PUS3: variants seen among roughly 807,000 people sequenced by gnomAD.
The protein encoded by PUS3 is pseudouridine synthase 3.
In PUS3, 36 loss-of-function variants were observed where a neutral mutation model predicts 43.3. That is an observed-to-expected ratio of 0.83 (90% CI 0.64 to 1.10). The LOEUF (loss-of-function observed/expected upper bound fraction) is 1.10. Ranked by LOEUF, PUS3 falls within the 50% of genes least tolerant of loss-of-function variation. The pLI, the probability that PUS3 is intolerant of heterozygous loss-of-function variation, is 0.00. For missense variants in PUS3, 544 were observed against 589.9 expected, an observed-to-expected ratio of 0.92 and a Z score of 0.81; for synonymous variants, 183 against 199.2, an observed-to-expected ratio of 0.92 and a Z score of 0.69.
Position 125,899,391 on chromosome 11 carries a change from GAC to G in PUS3, c.-46-3063_-46-3062del. On this transcript the variant is annotated intron_variant, in intron 1 of 3. Coordinates refer to ENST00000227474, the MANE Select transcript of PUS3 (RefSeq NM_031307.4). ...GCAATGGAAGAACTTCTACCTGATG[GAC>G]AAATATGGGCTAATATGGATCCAGA... The G allele has an allele frequency of 6.2e-7, 1 of 1,614,176 alleles. No individual in the cohort carries two copies. The highest frequency in any genetic ancestry group is 8.5e-7 in the Non-Finnish European group (1 of 1,180,024).
chr11:125,893,781 A>C lies in PUS3; in HGVS notation c.*4T>G. The C allele has an allele frequency of 6.3e-7, 1 of 1,594,816 alleles. No homozygotes were observed. The highest frequency in any genetic ancestry group is 8.5e-7 in the Non-Finnish European group (1 of 1,171,372). Reference sequence around the variant, plus strand: ...GTTCCTAGATCCTGGCAAATTGTCTATGGTTAAATGATGCTTTTAATTTCT... The same window carrying C: ...GTTCCTAGATCCTGGCAAATTGTCTCTGGTTAAATGATGCTTTTAATTTCT... On this transcript the variant is annotated 3_prime_UTR_variant, in exon 4 of 4. Transcript: ENST00000227474.
chr11:125,900,953 G>A (rs1944754364), intron 1 of PUS3: 1 of 150,002 alleles, frequency 6.7e-6, no homozygotes, highest in Admixed American at 6.6e-5. Context: ...GGGGCCTGCA[G>A]TGAGCCGAGA....
chr11:125,893,836 C>T lies in PUS3; in HGVS notation c.1395G>A (p.Glu465=). The T allele has an allele frequency of 1.2e-6, 2 of 1,613,914 alleles. No homozygotes were observed. Among genetic ancestry groups the T allele is most frequent in the Non-Finnish European group, 1.7e-6 (2 of 1,179,964 alleles). The part of the protein sequence containing the change: ...DTLEEENTNL[E]TPTKRVCVDT... ...CAACACAGACCCTCTTCGTTGGTGT[C>T]TCCAAATTAGTATTCTCTTCCTCTA... Residue 465 remains glutamate (E), a synonymous_variant, in exon 4 of 4, where the codon GAG becomes GAA. Coordinates refer to ENST00000227474, the MANE Select transcript of PUS3 (RefSeq NM_031307.4).
chr11:125,901,993 TC>T (rs1302167906), intron 1 of PUS3, among the ~76,000 whole-genome samples: 1 of 152,118 alleles, frequency 6.6e-6, no homozygotes, highest in African/African-American at 2.4e-5. Context: ...TGCAAAACAC[TC>T]CAGTGATTAT....
intron 1 of PUS3, chr11:125,900,180 A>C: frequency 6.2e-7 from 1 of 1,614,226 alleles, no homozygotes; most frequent in Non-Finnish European, 8.5e-7. Flanking sequence ...ACAGAGAAGA[A>C]AAGGTCTGCA....
Position 125,895,487 on chromosome 11 carries a change from T to TA in PUS3, c.680_681insT (p.Lys227AsnfsTer10), listed in dbSNP as rs1328387021. The TA allele has an allele frequency of 1.2e-6, 2 of 1,614,046 alleles. No individual in the cohort carries two copies. The highest frequency in any genetic ancestry group is 1.7e-6 in the Non-Finnish European group (2 of 1,180,050). On this transcript the variant is annotated frameshift_variant, in exon 3 of 4. Coordinates refer to ENST00000227474, the MANE Select transcript of PUS3 (RefSeq NM_031307.4). LOFTEE classifies it high-confidence loss of function. ...TAATCACACCGTTGGCTACATCCAT[T>TA]TTACACAAGTTCCTGAAATCATGGG... is the stretch of plus-strand genomic sequence containing the variant.
intron 1 of PUS3, among the ~76,000 whole-genome samples, chr11:125,898,318 C>T (rs1042836867): frequency 6.6e-6 from 1 of 152,146 alleles, no homozygotes. Flanking sequence ...GGGTATGTGG[C>T]TGATTGATGT....
At position 125,895,492 on chromosome 11, in the gene PUS3, A is replaced by G; in HGVS notation, c.676T>C (p.Cys226Arg). 1 of 1,614,174 alleles carries G rather than the reference A, an allele frequency of 6.2e-7. No individual in the cohort carries two copies. Among genetic ancestry groups the G allele is most frequent in the Non-Finnish European group, 8.5e-7 (1 of 1,180,038 alleles). The change falls in exon 3 of 4, where the codon TGT (cysteine) becomes CGT (arginine). Residue 226 changes from cysteine to arginine, a missense_variant. Physicochemically the swap from Cys to Arg is radical, Grantham distance 180 (BLOSUM62 -3). Coordinates refer to ENST00000227474, the MANE Select transcript of PUS3 (RefSeq NM_031307.4). ...ACACCGTTGGCTACATCCATTTTAC[A>G]CAAGTTCCTGAAATCATGGGTGCCA... The part of the protein sequence containing the change: ...YVGTHDFRNL[C>R]KMDVANGVIN...
chr11:125,899,354 A>G, intron 1 of PUS3: 2 of 1,613,108 alleles, frequency 1.2e-6, no homozygotes, highest in South Asian at 1.1e-5. Flanking sequence ...AAGGTCCTAC[A>G]GTGTAGGGGA....
At position 125,902,954 on chromosome 11, in the gene PUS3, G is replaced by C. The variant is rs148536899; in HGVS notation, c.-47+216C>G. ...ATTAAAGACGACCCTACTGCGGCGA[G>C]TTTCCACCGAGAGCTCCAGAAAGTA... On this transcript the variant is annotated intron_variant, in intron 1 of 3. Coordinates refer to ENST00000227474, the MANE Select transcript of PUS3 (RefSeq NM_031307.4). Among the ~76,000 whole-genome samples, 14 of 141,436 alleles carry C rather than the reference G, an allele frequency of 9.9e-5. No homozygotes were observed. In the East Asian group the frequency reaches 2.1e-3, roughly 22 times the overall value. The allele number at this position is 141,436 out of a possible 152,430, so 92.8% of individuals were successfully genotyped here. A position where few individuals can be genotyped will look rare whatever the true frequency, so the allele number is the denominator to read the frequency against.
rs902111087 is a variant in PUS3, at chr11:125,893,875, G to T, written c.1356C>A (p.Asp452Glu). 1 of 1,614,074 alleles carries T rather than the reference G, an allele frequency of 6.2e-7. No individual in the cohort carries two copies. Among genetic ancestry groups the T allele is most frequent in the Non-Finnish European group, 8.5e-7 (1 of 1,179,996 alleles). The part of the protein sequence containing the change: ...FHEEETKAKR[D>E]CNDTLEEENT... Reference sequence around the variant, plus strand: ...TCTCTTCCTCTAGTGTGTCATTACAGTCCCTTTTGGCTTTTGTTTCTTCCT... The same window carrying T: ...TCTCTTCCTCTAGTGTGTCATTACATTCCCTTTTGGCTTTTGTTTCTTCCT... Residue 452 changes from aspartate (D) to glutamate (E), a missense_variant, in exon 4 of 4, where the codon GAC becomes GAA. By Grantham distance (45) the Asp-to-Glu change is conservative (BLOSUM62 2). Coordinates refer to ENST00000227474, the MANE Select transcript of PUS3 (RefSeq NM_031307.4).
rs779347680 is a variant in PUS3 at position 125,899,689 on chromosome 11, A to G, written c.-46-3359T>C. 18 of 1,614,102 alleles carry G rather than the reference A, an allele frequency of 1.1e-5. No homozygotes were observed. The highest frequency in any genetic ancestry group is 1.7e-5 in the Admixed American group (1 of 60,006). On this transcript the variant is annotated intron_variant, in intron 1 of 3. Coordinates refer to ENST00000227474, the MANE Select transcript of PUS3 (RefSeq NM_031307.4). Reference sequence around the variant, plus strand: ...TGCGCAGAAAGCCAGATGGGGAAGTATTAGTAACAGATGAGTCGATTATCA... The same window carrying G: ...TGCGCAGAAAGCCAGATGGGGAAGTGTTAGTAACAGATGAGTCGATTATCA...
At chr11:125,896,727 G>C (rs1303678775) in intron 1 of PUS3, among the ~76,000 whole-genome samples, 1 of 151,936 alleles carries the variant, frequency 6.6e-6, no homozygotes, top group Non-Finnish European at 1.5e-5. Context: ...TCTTTATATG[G>C]GCTACTTTTA....
chr11:125,896,353 C>T (rs1944591621), intron 1 of PUS3, 23 bp from the exon 2 acceptor site: 2 of 1,401,520 alleles, frequency 1.4e-6, no homozygotes, highest in Non-Finnish European at 2.0e-6. Flanking sequence ...CAAAGGGATA[C>T]AACAGTTTCA....
intron 1 of PUS3, among the ~76,000 whole-genome samples, chr11:125,898,269 G>A (rs1944650102): frequency 6.6e-6 from 1 of 152,230 alleles, no homozygotes; most frequent in South Asian, 2.1e-4. Context: ...ATAGTGGACA[G>A]TAGATACCTA....
chr11:125,898,204 C>T (rs975133355), intron 1 of PUS3, among the ~76,000 whole-genome samples: 22 of 152,086 alleles, frequency 1.4e-4, no homozygotes, highest in African/African-American at 5.1e-4. Flanking sequence ...TTAAAATTAT[C>T]ATGTGCATGT....
At chr11:125,896,415 C>G (rs951646802) in intron 1 of PUS3, 85 bp from the exon 2 acceptor site, 1 of 928,258 alleles carries the variant, frequency 1.1e-6, no homozygotes. Flanking sequence ...TAATTTAATG[C>G]CCAAAGAATA....
chr11:125,899,521 C>T (rs1179151564), intron 1 of PUS3: 7 of 1,614,186 alleles, frequency 4.3e-6, no homozygotes, highest in South Asian at 3.3e-5. Context: ...ATGATCCCTA[C>T]AGTAAAGCTT....
At chr11:125,894,854 A>G (rs1432638589) in intron 3 of PUS3, among the ~76,000 whole-genome samples, 1 of 152,206 alleles carries the variant, frequency 6.6e-6, no homozygotes, top group Non-Finnish European at 1.5e-5. Flanking sequence ...TGTAGAAATT[A>G]ATGTCTTTTT....
Sources: allele counts gnomAD v4.1 joint callset (sites outside exome capture counted in the v4.1 genomes callset), GRCh38; gene constraint gnomAD v4.1.1; transcripts MANE v1.5; gene names NCBI Gene and HGNC (gene_info 2026-07-23, HGNC 2026-07-21).